Variants in SYNJ2BP observed in about 807,000 individuals in gnomAD.
The protein encoded by SYNJ2BP is synaptojanin-2-binding protein.
Under a neutral mutation model 16.9 loss-of-function variants are expected in SYNJ2BP, and 10 were observed. That is an observed-to-expected ratio of 0.59 (90% CI 0.36 to 1.00). SYNJ2BP has a LOEUF of 1.00. Ranked by LOEUF, SYNJ2BP falls within the 50% of genes least tolerant of loss-of-function variation. SYNJ2BP has a pLI of 0.01. For missense variants in SYNJ2BP, 162 were observed against 186.7 expected (o/e 0.87, Z 0.77); for synonymous variants, 54 against 68.4 (o/e 0.79, Z 1.04).
At chr14:70,399,568 G>A (rs1283180184) in intron 1 of SYNJ2BP, among the ~76,000 whole-genome samples, 1 of 152,208 alleles carries the variant, frequency 6.6e-6, no homozygotes, top group Admixed American at 6.5e-5. Flanking sequence ...GCAAGGCATA[G>A]GGGACCCACC....
At chr14:70,391,249 A>T (rs1382038652) in intron 1 of SYNJ2BP, among the ~76,000 whole-genome samples, 1 of 152,194 alleles carries the variant, frequency 6.6e-6, no homozygotes, top group Non-Finnish European at 1.5e-5. Flanking sequence ...GGAGTTTGTG[A>T]CCTGGCTGGG....
chr14:70,395,986 A>G (rs1224133592), intron 1 of SYNJ2BP, among the ~76,000 whole-genome samples: 1 of 152,138 alleles, frequency 6.6e-6, no homozygotes. Flanking sequence ...TTTAAGGCTG[A>G]ATTATAATCT....
intron 1 of SYNJ2BP, among the ~76,000 whole-genome samples, chr14:70,394,043 C>G (rs944116205): frequency 6.7e-6 from 1 of 149,060 alleles, no homozygotes; most frequent in East Asian, 2.0e-4. Flanking sequence ...TTCATTAACT[C>G]ACAGGAAAAG....
intron 1 of SYNJ2BP, among the ~76,000 whole-genome samples, chr14:70,395,975 T>A (rs1356298270): frequency 6.6e-6 from 1 of 152,246 alleles, no homozygotes; most frequent in African/African-American, 2.4e-5. Flanking sequence ...TCATTCTTTT[T>A]TTTAAGGCTG....
At chr14:70,376,115 A>T (rs1265650697) in intron 2 of SYNJ2BP, among the ~76,000 whole-genome samples, 1 of 152,196 alleles carries the variant, frequency 6.6e-6, no homozygotes, top group Non-Finnish European at 1.5e-5. Flanking sequence ...CCTTAAAGAT[A>T]GCATGGTCTT....
intron 1 of SYNJ2BP, among the ~76,000 whole-genome samples, chr14:70,412,460 T>C (rs1418964061): frequency 1.3e-5 from 2 of 149,672 alleles, no homozygotes; most frequent in South Asian, 2.1e-4. Flanking sequence ...TGAGTATGTA[T>C]GTATGTATAG....
intron 3 of SYNJ2BP, among the ~76,000 whole-genome samples, chr14:70,375,381 G>A (rs572347837): frequency 6.7e-6 from 1 of 150,030 alleles, no homozygotes; most frequent in South Asian, 2.1e-4. Context: ...TGTATTTTTA[G>A]TAGAGATGAG....
chr14:70,413,815 G>C (rs545655986), intron 1 of SYNJ2BP, among the ~76,000 whole-genome samples: 69 of 152,164 alleles, frequency 4.5e-4, no homozygotes, highest in African/African-American at 1.6e-3. Flanking sequence ...CCAAACACTG[G>C]AAATATCCAC....
chr14:70,414,147 G>C (rs1888551329), intron 1 of SYNJ2BP, among the ~76,000 whole-genome samples: 2 of 152,142 alleles, frequency 1.3e-5, no homozygotes, highest in South Asian at 4.1e-4. Flanking sequence ...TCACATACTA[G>C]GAAACCAGTT....
chr14:70,412,582 A>ATATATATGTATGTGTAGTATATATACAG (rs1888507127), intron 1 of SYNJ2BP, among the ~76,000 whole-genome samples: 1 of 138,592 alleles, frequency 7.2e-6, no homozygotes, highest in African/African-American at 2.5e-5. Context: ...TATATACAGT[A>ATATATATGTATGTGTAGTATATATACAG]TATATATGTA....
At chr14:70,389,097 C>T (rs1206326647) in intron 1 of SYNJ2BP, among the ~76,000 whole-genome samples, 1 of 151,954 alleles carries the variant, frequency 6.6e-6, no homozygotes, top group Non-Finnish European at 1.5e-5. Flanking sequence ...TGTGAGCCAC[C>T]ATGCCCAGCC....
At chr14:70,390,449 A>G (rs1186169960) in intron 1 of SYNJ2BP, among the ~76,000 whole-genome samples, 1 of 152,036 alleles carries the variant, frequency 6.6e-6, no homozygotes, top group Non-Finnish European at 1.5e-5. Context: ...CAGGTGGATC[A>G]CAAGGTCAGG....
rs369607687 is a variant in SYNJ2BP at position 70,373,144 on chromosome 14, G to T, written c.298-13C>A. The stretch of plus-strand genomic sequence containing the variant: ...TCTGCACCTGTAACTGGAAGGGAAA[G>T]AAAAATGTTAACTCTAGTGACTAAT... On this transcript the variant is annotated splice_polypyrimidine_tract_variant and intron_variant, in intron 3 of 3. Transcript: ENST00000256366. 5.0e-6 allele frequency: 8 copies of T among 1,612,490 alleles called. No individual in the cohort carries two copies. The highest frequency in any genetic ancestry group is 4.4e-5 in the South Asian group (4 of 90,800).
chr14:70,380,661 C>A (rs147192803), intron 2 of SYNJ2BP, among the ~76,000 whole-genome samples: 167 of 140,904 alleles, frequency 1.2e-3, no homozygotes, highest in African/African-American at 1.1e-3. Flanking sequence ...GACTCTGTCT[C>A]AAAAAAAAAA....
Position 70,372,828 on chromosome 14 carries a change from T to C in SYNJ2BP, c.*163A>G. 9.6e-7 allele frequency: 1 copy of C among 1,044,168 alleles called. No individual in the cohort carries two copies. The highest frequency in any genetic ancestry group is 1.4e-6 in the Non-Finnish European group (1 of 729,560). The allele number at this position is 1,044,168 out of a possible 1,614,324, so 64.7% of individuals were successfully genotyped here. ...TTCAAACAATACCTTTACTTTCCCA[T>C]TAGAATATGAAGAATTGGAGACTGT... is the stretch of plus-strand genomic sequence containing the variant. On this transcript the variant is annotated 3_prime_UTR_variant, in exon 4 of 4. Transcript: ENST00000256366.
rs577136834 is a variant in SYNJ2BP at position 70,384,285 on chromosome 14, A to G, written c.201+4185T>C. On this transcript the variant is annotated intron_variant, in intron 2 of 3. Transcript: ENST00000256366. The stretch of plus-strand genomic sequence containing the variant: ...TATCTAGCAAACATTACTAGAGGAA[A>G]AATGGGGCATATTTTATAACATGGA... Among the ~76,000 whole-genome samples, 9 of 152,362 alleles carry G rather than the reference A, an allele frequency of 5.9e-5. No homozygotes were observed. The East Asian group carries it at 1.7e-3, about 29-fold the overall frequency.
chr14:70,408,104 T>G (rs529172547), intron 1 of SYNJ2BP, among the ~76,000 whole-genome samples: 87 of 147,768 alleles, frequency 5.9e-4, no homozygotes, highest in South Asian at 3.4e-3. Flanking sequence ...TCTAACAGGT[T>G]TTTTTTTTTT....
At chr14:70,379,967 G>C (rs188689626) in intron 2 of SYNJ2BP, among the ~76,000 whole-genome samples, 1 of 152,284 alleles carries the variant, frequency 6.6e-6, no homozygotes, top group East Asian at 1.9e-4. Context: ...GAAATACTGG[G>C]CTTAAAATAA....
chr14:70,388,405 G>C, intron 2 of SYNJ2BP, 65 bp downstream of exon 2: 1 of 1,412,604 alleles, frequency 7.1e-7, no homozygotes, highest in Non-Finnish European at 9.3e-7. Flanking sequence ...AAAAGGGATA[G>C]GGAGGGGTAG....
Sources: allele counts gnomAD v4.1 joint callset (sites outside exome capture counted in the v4.1 genomes callset), GRCh38; gene constraint gnomAD v4.1.1; transcripts MANE v1.5; gene names NCBI Gene and HGNC (gene_info 2026-07-23, HGNC 2026-07-21).